SFMBT2: variants seen among roughly 807,000 people sequenced by gnomAD.
SFMBT2 encodes the protein Scm like with four mbt domains 2, also known as scm-like with four MBT domains protein 2.
SFMBT2 carries 38 observed loss-of-function variants against 110.1 expected under a neutral mutation model. That is an observed-to-expected ratio of 0.35 (90% CI 0.27 to 0.45). The LOEUF is 0.45. Ranked by LOEUF, SFMBT2 falls within the 20% of genes least tolerant of loss-of-function variation. The probability of loss-of-function intolerance (pLI) is 1.00; values close to 1 mark genes in which losing one functional copy is unlikely to be tolerated. For synonymous variants in SFMBT2, 425 were observed against 425.4 expected (o/e 1.00, Z 0.01); for missense variants, 1,011 against 1,094.9 (o/e 0.92, Z 1.08).
intron 12 of SFMBT2, chr10:7,203,633 G>A: frequency 7.3e-6 from 7 of 958,576 alleles, no homozygotes; most frequent in Non-Finnish European, 8.7e-6. Context: ...AGGACAGAGG[G>A]GATTGGAACC....
intron 7 of SFMBT2, 129 bp downstream of exon 7, chr10:7,276,763 T>C: frequency 1.5e-6 from 1 of 649,152 alleles, no homozygotes; most frequent in East Asian, 2.7e-5. Flanking sequence ...CCTGATGTCG[T>C]GATCCGCCCA....
intron 11 of SFMBT2, among the ~76,000 whole-genome samples, chr10:7,213,754 G>A: frequency 6.6e-6 from 1 of 151,752 alleles, no homozygotes. Flanking sequence ...CGTGTGCGAG[G>A]CCATGGGCGC....
At chr10:7,391,502 C>T (rs1264394460) in intron 1 of SFMBT2, among the ~76,000 whole-genome samples, 1 of 151,692 alleles carries the variant, frequency 6.6e-6, no homozygotes, top group African/African-American at 2.4e-5. Flanking sequence ...AGTGAAAGCT[C>T]ACATGACTCT....
chr10:7,327,063 T>C (rs528825766), intron 4 of SFMBT2, among the ~76,000 whole-genome samples: 24 of 151,978 alleles, frequency 1.6e-4, no homozygotes, highest in African/African-American at 5.6e-4. Context: ...GAGGGACTTT[T>C]GCCCCCAGTG....
chr10:7,204,407 A>G, intron 12 of SFMBT2: 1 of 985,466 alleles, frequency 1.0e-6, no homozygotes, highest in Non-Finnish European at 1.2e-6. Flanking sequence ...AAATTCCATC[A>G]AGAAAATGTC....
At chr10:7,297,543 G>A (rs759320332) in intron 4 of SFMBT2, among the ~76,000 whole-genome samples, 1 of 152,140 alleles carries the variant, frequency 6.6e-6, no homozygotes, top group African/African-American at 2.4e-5. Flanking sequence ...GCGAATGGGA[G>A]GGGGAGGAGA....
chr10:7,395,284 A>G (rs1016782806), intron 1 of SFMBT2, among the ~76,000 whole-genome samples: 3 of 151,642 alleles, frequency 2.0e-5, no homozygotes, highest in South Asian at 2.1e-4. Flanking sequence ...ACCTTGGAGG[A>G]AAAAAAAAGA....
At position 7,159,414 on chromosome 10, in the gene SFMBT2, C is replaced by G. The variant is rs1837491387; in HGVS notation, c.*4356G>C. The G allele has an allele frequency of 6.6e-6, 1 of 152,084 alleles. No individual in the cohort carries two copies. The highest frequency in any genetic ancestry group is 1.5e-5 in the Non-Finnish European group (1 of 68,014). 9.4% of individuals were successfully genotyped at this position (152,084 alleles called of 1,614,324 possible). A position where few individuals can be genotyped will look rare whatever the true frequency, so the allele number is the denominator to read the frequency against. On this transcript the variant is annotated 3_prime_UTR_variant, in exon 21 of 21. Transcript: ENST00000397167. ...TAGTGATAGAGCTATGAGAACTGGT[C>G]AACTTAAGAGTTCAACCATGTGAAA...
At chr10:7,178,393 T>C (rs1233616448) in intron 16 of SFMBT2, among the ~76,000 whole-genome samples, 2 of 152,218 alleles carry the variant, frequency 1.3e-5, no homozygotes, top group Non-Finnish European at 1.5e-5. Flanking sequence ...AAACGCCTTT[T>C]ATAGTTATCC....
At chr10:7,349,979 G>A (rs12264164) in intron 4 of SFMBT2, among the ~76,000 whole-genome samples, 6,702 of 152,180 alleles carry the variant, frequency 0.044, 473 homozygotes, top group African/African-American at 0.15. Flanking sequence ...GCACCTCATA[G>A]GCGCATGCTG....
At chr10:7,401,750 C>A (rs1389203781) in intron 1 of SFMBT2, among the ~76,000 whole-genome samples, 1 of 152,190 alleles carries the variant, frequency 6.6e-6, no homozygotes, top group African/African-American at 2.4e-5. Flanking sequence ...TCTCTTCCTG[C>A]AGGTACAAAT....
At chr10:7,286,289 G>A (rs889749064) in intron 4 of SFMBT2, 1 of 319,730 alleles carries the variant, frequency 3.1e-6, no homozygotes, top group African/African-American at 2.3e-5. Context: ...AAACCAGTGA[G>A]GCTAGGGAAA....
At chr10:7,368,622 G>A (rs768829859) in intron 3 of SFMBT2, among the ~76,000 whole-genome samples, 2 of 152,194 alleles carry the variant, frequency 1.3e-5, no homozygotes, top group Non-Finnish European at 2.9e-5. Context: ...TTAAAAGGGA[G>A]GTGGAAGGAT....
chr10:7,228,781 T>TCTCC (rs1466235599), intron 9 of SFMBT2, among the ~76,000 whole-genome samples: 51 of 110,470 alleles, frequency 4.6e-4, no homozygotes, highest in African/African-American at 1.6e-3. Flanking sequence ...TCTCTCTCTC[T>TCTCC]CCCCCTCCCT....
chr10:7,248,871 C>T (rs551373032), intron 7 of SFMBT2, among the ~76,000 whole-genome samples: 12 of 152,298 alleles, frequency 7.9e-5, no homozygotes, highest in Admixed American at 7.2e-4. Context: ...GGCTTCCTGG[C>T]CATGCTTAAA....
At chr10:7,311,045 C>CAAAAAAAAAAAA (rs201310544) in intron 4 of SFMBT2, among the ~76,000 whole-genome samples, 1 of 96,940 alleles carries the variant, frequency 1.0e-5, no homozygotes, top group Non-Finnish European at 2.0e-5. Context: ...AACTCCATCT[C>CAAAAAAAAAAAA]AAAAAAAAAA....
chr10:7,266,552 G>A (rs901004256), intron 7 of SFMBT2, among the ~76,000 whole-genome samples: 1 of 152,164 alleles, frequency 6.6e-6, no homozygotes, highest in Non-Finnish European at 1.5e-5. Context: ...GGCACGGCAG[G>A]TACGTGAAGC....
intron 4 of SFMBT2, among the ~76,000 whole-genome samples, chr10:7,322,135 T>C (rs527569901): frequency 6.6e-6 from 1 of 152,300 alleles, no homozygotes; most frequent in South Asian, 2.1e-4. Context: ...TAGGGGGGAA[T>C]TGAATCATGG....
intron 4 of SFMBT2, among the ~76,000 whole-genome samples, chr10:7,324,204 C>T (rs1843298915): frequency 6.6e-6 from 1 of 152,166 alleles, no homozygotes; most frequent in Non-Finnish European, 1.5e-5. Flanking sequence ...TTTCCTGAAT[C>T]AAATGAATGT....
Sources: allele counts gnomAD v4.1 joint callset (sites outside exome capture counted in the v4.1 genomes callset), GRCh38; gene constraint gnomAD v4.1.1; transcripts MANE v1.5; gene names NCBI Gene and HGNC (gene_info 2026-07-23, HGNC 2026-07-21).